Variants in UBE3A observed in about 807,000 individuals in gnomAD.
UBE3A encodes ubiquitin protein ligase E3A.
Under a neutral mutation model 83.4 loss-of-function variants are expected in UBE3A, and 6 were observed. The observed-to-expected ratio is 0.07, with a 90% CI of 0.04 to 0.14. The LOEUF (loss-of-function observed/expected upper bound fraction) is 0.14. UBE3A is among the 10% of genes least tolerant of loss of function. The pLI, the probability that UBE3A is intolerant of heterozygous loss-of-function variation, is 1.00. For synonymous variants in UBE3A, 337 were observed against 355.4 expected (o/e 0.95, Z 0.58); for missense variants, 456 against 1,036.1 (o/e 0.44, Z 7.69).
intron 12 of UBE3A, chr15:25,339,489 A>G: frequency 2.5e-6 from 1 of 405,714 alleles, no homozygotes; most frequent in Non-Finnish European, 4.4e-6. Context: ...AGTTTTTACT[A>G]CATAACAGAT....
intron 9 of UBE3A, 42 bp downstream of exon 9, chr15:25,355,850 T>C: frequency 6.4e-7 from 1 of 1,566,528 alleles, no homozygotes; most frequent in South Asian, 1.1e-5. Flanking sequence ...GCTTTGAAAG[T>C]GTTAATGAAG....
rs555020457 is a variant in UBE3A, at chr15:25,438,474, C to G, written c.-165+15G>C. On this transcript the variant is annotated intron_variant, in intron 1 of 12. Transcript: ENST00000648336. ...GGAGCCAGCGCCGCCTGGCGCAGGC[C>G]GCGGCAACACTGACCTGTCGTCGCC... is the stretch of plus-strand genomic sequence containing the variant. The G allele has an allele frequency of 5.3e-5, 8 of 152,248 alleles. No homozygotes were observed. The highest frequency in any genetic ancestry group is 4.6e-4 in the Admixed American group (7 of 15,308). The allele number at this position is 152,248 out of a possible 1,614,324, so 9.4% of individuals were successfully genotyped here.
intron 1 of UBE3A, among the ~76,000 whole-genome samples, chr15:25,412,279 G>A (rs2090139870): frequency 6.6e-6 from 1 of 152,114 alleles, no homozygotes; most frequent in South Asian, 2.1e-4. Context: ...AAAACTATTT[G>A]ACTATATCCC....
intron 1 of UBE3A, among the ~76,000 whole-genome samples, chr15:25,434,220 T>C (rs905015005): frequency 1.3e-5 from 2 of 152,190 alleles, no homozygotes; most frequent in African/African-American, 2.4e-5. Flanking sequence ...CTAAGCAACA[T>C]TTTTGATAGC....
intron 7 of UBE3A, among the ~76,000 whole-genome samples, chr15:25,357,805 T>C (rs2077431168): frequency 6.6e-6 from 1 of 151,836 alleles, no homozygotes; most frequent in South Asian, 2.1e-4. Context: ...AGCTATTCAA[T>C]ACACATGTTA....
At chr15:25,366,967 T>A (rs183495459) in intron 6 of UBE3A, among the ~76,000 whole-genome samples, 37 of 151,934 alleles carry the variant, frequency 2.4e-4, no homozygotes, top group Admixed American at 1.4e-3. Flanking sequence ...TTATTTTTTT[T>A]AAACAATTTT....
intron 4 of UBE3A, among the ~76,000 whole-genome samples, chr15:25,395,506 T>A (rs1413113199): frequency 6.6e-6 from 1 of 152,150 alleles, no homozygotes; most frequent in Admixed American, 6.5e-5. Context: ...AATTTGAGTA[T>A]GTGACATAGA....
chr15:25,341,601 T>C (rs959410900), intron 11 of UBE3A, among the ~76,000 whole-genome samples: 24 of 150,840 alleles, frequency 1.6e-4, no homozygotes, highest in South Asian at 4.2e-4. Context: ...CTGTCTCTAC[T>C]AAAATACAAA....
intron 4 of UBE3A, among the ~76,000 whole-genome samples, chr15:25,403,156 A>G (rs1431138871): frequency 6.6e-6 from 1 of 152,174 alleles, no homozygotes; most frequent in African/African-American, 2.4e-5. Context: ...CAAATGTGAT[A>G]AAGTCTTTAA....
Position 25,370,919 on chromosome 15 carries a change from C to T in UBE3A, c.1255G>A (p.Gly419Ser). Residue 419 changes from glycine (G) to serine (S), a missense_variant, in exon 6 of 13, where the codon GGT becomes AGT. This residue lies in a region of UBE3A where 85 missense variants were observed against 137.0 expected (regional missense o/e 0.62). Coordinates refer to ENST00000648336, the MANE Select transcript of UBE3A (RefSeq NM_130839.5). The surrounding 1 kb of genome is among the most constrained non-coding windows in gnomAD (Gnocchi z 4.2). ...LLGEERRNKK[G>S]PRVDPLETEL... is the part of the protein sequence containing the mutation. ...GTTTCCAGGGGGTCCACTCGAGGAC[C>T]TTTCTTGTTTCTTCTTTCTTCTCCC... 1 of 1,614,018 alleles carries T rather than the reference C, an allele frequency of 6.2e-7. No homozygotes were observed. The highest frequency in any genetic ancestry group is 1.1e-5 in the South Asian group (1 of 91,068).
intron 4 of UBE3A, among the ~76,000 whole-genome samples, chr15:25,386,804 A>AG (rs565493864): frequency 1.3e-5 from 2 of 151,998 alleles, no homozygotes; most frequent in Non-Finnish European, 2.9e-5. Flanking sequence ...TAGTGTTGAG[A>AG]GAAAAAAAAA....
intron 4 of UBE3A, among the ~76,000 whole-genome samples, chr15:25,376,623 C>T (rs965155592): frequency 6.6e-6 from 1 of 152,128 alleles, no homozygotes; most frequent in African/African-American, 2.4e-5. Context: ...GCCTGGGCAA[C>T]AGAGCTAGAC....
At chr15:25,413,219 G>C (rs1453402175) in intron 1 of UBE3A, among the ~76,000 whole-genome samples, 1 of 152,046 alleles carries the variant, frequency 6.6e-6, no homozygotes, top group Non-Finnish European at 1.5e-5. Flanking sequence ...TCAACAGAGG[G>C]CTCAGTCTAA....
intron 4 of UBE3A, among the ~76,000 whole-genome samples, chr15:25,383,965 A>C (rs1013120651): frequency 1.3e-5 from 2 of 152,214 alleles, no homozygotes; most frequent in African/African-American, 4.8e-5. Flanking sequence ...AAAAAGAAAA[A>C]AAACCGTTAG....
intron 11 of UBE3A, chr15:25,346,701 T>A: frequency 6.6e-6 from 1 of 151,486 alleles, no homozygotes; most frequent in East Asian, 1.9e-4. Flanking sequence ...AAAAAGCAAA[T>A]GGAAATTATA....
intron 7 of UBE3A, chr15:25,357,509 A>C (rs1215671077): frequency 6.6e-6 from 1 of 152,158 alleles, no homozygotes; most frequent in African/African-American, 2.4e-5. Flanking sequence ...CCACCACGCC[A>C]GCTAATTTTT....
intron 4 of UBE3A, among the ~76,000 whole-genome samples, chr15:25,402,674 C>A (rs1463987266): frequency 6.6e-6 from 1 of 152,186 alleles, no homozygotes; most frequent in Non-Finnish European, 1.5e-5. Flanking sequence ...GTGTACACTT[C>A]CCCTCCTTCC....
At chr15:25,357,902 CTTTTTT>C (rs35596421) in intron 7 of UBE3A, among the ~76,000 whole-genome samples, 21 of 95,744 alleles carry the variant, frequency 2.2e-4, no homozygotes, top group Non-Finnish European at 3.7e-4. Context: ...ATCATGGAGG[CTTTTTT>C]TTTTTTTTTT....
At chr15:25,425,777 A>G (rs1240333974) in intron 1 of UBE3A, among the ~76,000 whole-genome samples, 1 of 152,138 alleles carries the variant, frequency 6.6e-6, no homozygotes, top group Non-Finnish European at 1.5e-5. Context: ...TATTTGAGGG[A>G]TGGTGGGGCA....
Sources: allele counts gnomAD v4.1 joint callset (sites outside exome capture counted in the v4.1 genomes callset), GRCh38; gene constraint gnomAD v4.1.1; regional missense constraint gnomAD v4.1.1; non-coding constraint Gnocchi (gnomAD v3.1); transcripts MANE v1.5; gene names NCBI Gene and HGNC (gene_info 2026-07-23, HGNC 2026-07-21).